NTMT2: variants seen among roughly 807,000 people sequenced by gnomAD.
NTMT2 encodes the protein X-Pro-Lys N-terminal protein methyltransferase 1B.
Under a neutral mutation model 23.4 loss-of-function variants are expected in NTMT2, and 21 were observed. The observed-to-expected ratio is 0.90, with a 90% CI of 0.64 to 1.29. The LOEUF is 1.29. NTMT2 is among the 50% of genes most tolerant of loss of function. NTMT2 has a pLI of 0.00. For synonymous variants in NTMT2, 131 were observed against 127.7 expected (o/e 1.03, Z -0.17); for missense variants, 336 against 352.0 (o/e 0.95, Z 0.36).
At chr1:170,149,011 T>C (rs1324357948) in intron 1 of NTMT2, among the ~76,000 whole-genome samples, 1 of 152,252 alleles carries the variant, frequency 6.6e-6, no homozygotes, top group East Asian at 1.9e-4. Context: ...GGGAAAAATA[T>C]TGTATTTTGG....
intron 2 of NTMT2, among the ~76,000 whole-genome samples, chr1:170,163,951 A>G (rs538161035): frequency 2.7e-4 from 41 of 152,186 alleles, no homozygotes; most frequent in African/African-American, 7.7e-4. Flanking sequence ...GTAAAACCCC[A>G]TTTCTACTAA....
chr1:170,153,661 T>G (rs559269854), intron 1 of NTMT2, among the ~76,000 whole-genome samples: 27 of 152,318 alleles, frequency 1.8e-4, no homozygotes, highest in Non-Finnish European at 2.6e-4. Flanking sequence ...CAGCAAAACA[T>G]GCAAGATGTG....
At chr1:170,153,335 T>C (rs536763139) in intron 1 of NTMT2, among the ~76,000 whole-genome samples, 9 of 152,214 alleles carry the variant, frequency 5.9e-5, no homozygotes, top group South Asian at 4.1e-4. Flanking sequence ...AAATGTGGAA[T>C]TGACTTTGGA....
intron 1 of NTMT2, among the ~76,000 whole-genome samples, chr1:170,159,861 T>C (rs1277866383): frequency 6.6e-6 from 1 of 152,256 alleles, no homozygotes; most frequent in Non-Finnish European, 1.5e-5. Flanking sequence ...CATATTTTTC[T>C]TATACATTTT....
At position 170,167,738 on chromosome 1, in the gene NTMT2, A is replaced by G; in HGVS notation, c.833A>G (p.His278Arg). Reference sequence around the variant, plus strand: ...ATCCCCGTGTGGATGTTCGCACTGCACAGCGACAGACACTCCTGAAAAAGC... The same window carrying G: ...ATCCCCGTGTGGATGTTCGCACTGCGCAGCGACAGACACTCCTGAAAAAGC... ...QCIPVWMFAL[H>R]SDRHS Residue 278 changes from histidine to arginine, a missense_variant, in exon 4 of 4, where the codon CAC becomes CGC. Physicochemically the swap from His to Arg is conservative, Grantham distance 29. Coordinates refer to ENST00000439373, the MANE Select transcript of NTMT2 (RefSeq NM_001136107.2). 1 of 1,549,958 alleles carries G rather than the reference A, an allele frequency of 6.5e-7. No individual in the cohort carries two copies. The highest frequency in any genetic ancestry group is 2.4e-5 in the East Asian group (1 of 40,880).
chr1:170,162,917 G>A (rs778137407), intron 2 of NTMT2, among the ~76,000 whole-genome samples: 97 of 151,374 alleles, frequency 6.4e-4, no homozygotes, highest in Non-Finnish European at 1.1e-3. Context: ...CATAGACCTC[G>A]ACTCTCCTCC....
chr1:170,165,471 T>G (rs563090116), intron 2 of NTMT2, among the ~76,000 whole-genome samples: 1 of 152,274 alleles, frequency 6.6e-6, no homozygotes, highest in Admixed American at 6.5e-5. Context: ...AAACTACCCT[T>G]TATCCATGTG....
intron 1 of NTMT2, among the ~76,000 whole-genome samples, chr1:170,149,139 A>G (rs1194779101): frequency 6.6e-6 from 1 of 152,242 alleles, no homozygotes; most frequent in Non-Finnish European, 1.5e-5. Flanking sequence ...TTCAAATATT[A>G]ATAAGACAGT....
intron 1 of NTMT2, among the ~76,000 whole-genome samples, chr1:170,157,265 AG>A (rs1673181252): frequency 6.6e-6 from 1 of 152,148 alleles, no homozygotes. Flanking sequence ...TTTCTCAATC[AG>A]TAGCTAATTT....
chr1:170,165,396 T>C (rs1673360638), intron 2 of NTMT2, among the ~76,000 whole-genome samples: 1 of 152,140 alleles, frequency 6.6e-6, no homozygotes, highest in African/African-American at 2.4e-5. Context: ...AATCATGTAG[T>C]TTCTGGTACC....
Position 170,154,261 on chromosome 1 carries a change from C to T in NTMT2, c.155-6257C>T, listed in dbSNP as rs1336192850. Among the ~76,000 whole-genome samples, 3 of 152,286 alleles carry T rather than the reference C, an allele frequency of 2.0e-5. No homozygotes were observed. In the South Asian group the frequency reaches 6.2e-4, roughly 32 times the overall value. The stretch of plus-strand genomic sequence containing the variant: ...AGCCTGTTGCAAAGGTGGAGCCCCC[C>T]ACACTGAGATAACCTTTACTAGTGT... On this transcript the variant is annotated intron_variant, in intron 1 of 3. Transcript: ENST00000439373.
intron 2 of NTMT2, among the ~76,000 whole-genome samples, chr1:170,162,311 A>G (rs983399389): frequency 2.0e-5 from 3 of 152,194 alleles, no homozygotes; most frequent in Non-Finnish European, 4.4e-5. Context: ...TTAGGCCATC[A>G]ACCGATTTAG....
intron 1 of NTMT2, among the ~76,000 whole-genome samples, chr1:170,150,427 A>G (rs1673046178): frequency 6.6e-6 from 1 of 152,218 alleles, no homozygotes; most frequent in South Asian, 2.1e-4. Context: ...TTTTTATAAC[A>G]TCTCTATTAG....
At position 170,146,348 on chromosome 1, in the gene NTMT2, A is replaced by G. The variant is rs1053885557; in HGVS notation, c.154+87A>G. 2.3e-6 allele frequency: 3 copies of G among 1,290,568 alleles called. No homozygotes were observed. In the African/African-American group the frequency reaches 4.6e-5, roughly 20 times the overall value. 79.9% of individuals were successfully genotyped at this position (1,290,568 alleles called of 1,614,324 possible). On this transcript the variant is annotated intron_variant, in intron 1 of 3. Transcript: ENST00000439373. Reference sequence around the variant, plus strand: ...ATGGGGCTTCTAGAAGAGAATTTAAAACAAGGACACTTTTCAGACAAAAAA... The same window carrying G: ...ATGGGGCTTCTAGAAGAGAATTTAAGACAAGGACACTTTTCAGACAAAAAA...
At position 170,147,731 on chromosome 1, in the gene NTMT2, C is replaced by T. The variant is rs375986063; in HGVS notation, c.154+1470C>T. ...AGCTGAGAAGAGAGTCACTAACAGG[C>T]AGATGACTGTCAAACTTTAAAAATA... On this transcript the variant is annotated intron_variant, in intron 1 of 3. Coordinates refer to ENST00000439373, the MANE Select transcript of NTMT2 (RefSeq NM_001136107.2). Among the ~76,000 whole-genome samples the T allele has an allele frequency of 1.7e-4, 26 of 152,218 alleles. No homozygotes were observed. The South Asian group carries it at 4.8e-3, about 28-fold the overall frequency.
chr1:170,164,417 T>C (rs1054807056), intron 2 of NTMT2, among the ~76,000 whole-genome samples: 2 of 152,272 alleles, frequency 1.3e-5, no homozygotes, highest in Admixed American at 6.5e-5. Flanking sequence ...TTTCTAATAA[T>C]GACATAATTT....
At chr1:170,160,481 T>C (rs1210960874) in intron 1 of NTMT2, 37 bp from the exon 2 acceptor site, 3 of 1,403,422 alleles carry the variant, frequency 2.1e-6, no homozygotes, top group African/African-American at 2.9e-5. Context: ...TTTTATCTTA[T>C]AAATATTAAT....
Position 170,166,710 on chromosome 1 carries a change from C to A in NTMT2, c.539C>A (p.Pro180His), listed in dbSNP as rs966175028. The A allele has an allele frequency of 3.2e-6, 5 of 1,552,318 alleles. No individual in the cohort carries two copies. Among genetic ancestry groups the A allele is most frequent in the African/African-American group, 1.4e-5 (1 of 73,132 alleles). ...TACAGCCTGCAGGAATTCACACCCC[C>A]CTTCAGGAGATATGATGTCATCTGG... ...HCYSLQEFTP[P>H]FRRYDVIWIQ... The change falls in exon 3 of 4, where the codon CCC becomes CAC. Residue 180 changes from proline to histidine, a missense_variant. Coordinates refer to ENST00000439373, the MANE Select transcript of NTMT2 (RefSeq NM_001136107.2).
At chr1:170,160,748 C>A in intron 2 of NTMT2, 55 bp downstream of exon 2, 1 of 1,400,006 alleles carries the variant, frequency 7.1e-7, no homozygotes, top group Non-Finnish European at 9.5e-7. Context: ...AAACATTGAG[C>A]TCGCATGCCT....
Sources: gnomAD v4.1 joint callset for allele counts (sites outside exome capture counted in the v4.1 genomes callset) on GRCh38, gnomAD v4.1.1 for gene constraint, MANE v1.5 for transcripts, NCBI Gene and HGNC (gene_info 2026-07-23, HGNC 2026-07-21) for gene names.